The following CAST variants were observed in gnomAD, a reference collection of about 807,000 sequenced individuals.
CAST encodes the protein MIR583 host.
Under a neutral mutation model 119.6 loss-of-function variants are expected in CAST, and 76 were observed. The ratio of observed to expected loss-of-function variants is 0.64; its 90% CI spans 0.53 to 0.77. The LOEUF (loss-of-function observed/expected upper bound fraction) is 0.77. CAST is among the 30% of genes least tolerant of loss of function. The pLI is 0.00. For missense variants in CAST, 953 were observed against 946.5 expected, an observed-to-expected ratio of 1.01 and a Z score of -0.09; for synonymous variants, 319 against 331.6, an observed-to-expected ratio of 0.96 and a Z score of 0.41.
chr5:96,388,123 A>G, the CAST span, among the ~76,000 whole-genome samples: 10 of 152,242 alleles, frequency 6.6e-5, no homozygotes, highest in Non-Finnish European at 2.9e-5. Flanking sequence ...AGTGGCACAC[A>G]TGGTAGAGAG....
At chr5:96,560,182 T>C (rs1240436676) in intron 1 of CAST, among the ~76,000 whole-genome samples, 1 of 152,078 alleles carries the variant, frequency 6.6e-6, no homozygotes, top group Non-Finnish European at 1.5e-5. Context: ...GATCCCTTCC[T>C]TACACCTTAT....
At chr5:96,737,309 A>G (rs1006499132) in intron 10 of CAST, among the ~76,000 whole-genome samples, 2 of 146,086 alleles carry the variant, frequency 1.4e-5, no homozygotes, top group South Asian at 2.2e-4. Context: ...TCAGGCAAGC[A>G]AGTGAACAAC....
At chr5:96,561,796 G>GTTTTTTTTGTTTTTTTTTT (rs1746371485) in intron 1 of CAST, among the ~76,000 whole-genome samples, 1 of 97,420 alleles carries the variant, frequency 1.0e-5, no homozygotes, top group African/African-American at 3.8e-5. Context: ...GTTTTTTTTT[G>GTTTTTTTTGTTTTTTTTTT]TTTTTTTTTT....
chr5:96,351,133 C>G, the CAST span, among the ~76,000 whole-genome samples: 1 of 152,080 alleles, frequency 6.6e-6, no homozygotes, highest in Admixed American at 6.6e-5. Flanking sequence ...AACACTTAGA[C>G]AAAGTGAACA....
At chr5:96,606,551 C>G (rs1429082217) in intron 1 of CAST, among the ~76,000 whole-genome samples, 1 of 152,208 alleles carries the variant, frequency 6.6e-6, no homozygotes, top group South Asian at 2.1e-4. Context: ...ACAAGGCAAA[C>G]TTAGGCCTGC....
the CAST span, among the ~76,000 whole-genome samples, chr5:96,119,350 A>G: frequency 1.3e-5 from 2 of 152,276 alleles, no homozygotes; most frequent in South Asian, 4.1e-4. Flanking sequence ...CCAAACCCCA[A>G]AGTTTCCAGC....
At chr5:96,152,551 A>G in the CAST span, among the ~76,000 whole-genome samples, 1 of 152,196 alleles carries the variant, frequency 6.6e-6, no homozygotes, top group African/African-American at 2.4e-5. Context: ...CTGAACTGGT[A>G]TCATTGACAC....
chr5:96,552,800 G>A (rs146282607), intron 1 of CAST, among the ~76,000 whole-genome samples: 1 of 152,062 alleles, frequency 6.6e-6, no homozygotes, highest in African/African-American at 2.4e-5. Context: ...AAATAAACTA[G>A]AAAATCTAAA....
the CAST span, chr5:95,961,569 G>T: frequency 6.3e-7 from 1 of 1,579,214 alleles, no homozygotes; most frequent in Non-Finnish European, 8.6e-7. Flanking sequence ...CGGCCGGCCC[G>T]CTCACCTTGT....
chr5:96,008,688 C>T, the CAST span, among the ~76,000 whole-genome samples: 2 of 152,318 alleles, frequency 1.3e-5, no homozygotes, highest in Admixed American at 6.5e-5. Flanking sequence ...AAACAAGTGA[C>T]TCAATTCAGG....
chr5:96,165,334 T>C, the CAST span, among the ~76,000 whole-genome samples: 1 of 152,082 alleles, frequency 6.6e-6, no homozygotes, highest in African/African-American at 2.4e-5. Context: ...GAGGGGTAGA[T>C]AGACTAAGGA....
At chr5:96,147,081 T>C in the CAST span, among the ~76,000 whole-genome samples, 1 of 152,212 alleles carries the variant, frequency 6.6e-6, no homozygotes, top group African/African-American at 2.4e-5. Flanking sequence ...TAGTGCCCCA[T>C]GTTCTGTGAT....
intron 20 of CAST, among the ~76,000 whole-genome samples, chr5:96,751,881 A>T (rs1765140433): frequency 6.6e-6 from 1 of 152,168 alleles, no homozygotes; most frequent in Non-Finnish European, 1.5e-5. Context: ...GAACAAAACA[A>T]AAAGCTCTTG....
the CAST span, among the ~76,000 whole-genome samples, chr5:96,163,083 A>G: frequency 2.1e-3 from 312 of 152,176 alleles, no homozygotes; most frequent in African/African-American, 7.1e-3. Context: ...TTATAGGTTT[A>G]TTCAGATTTT....
chr5:95,966,203 T>C, the CAST span, among the ~76,000 whole-genome samples: 1 of 152,164 alleles, frequency 6.6e-6, no homozygotes, highest in Admixed American at 6.5e-5. Context: ...ACTTATGTTG[T>C]GTATTTTTAT....
At chr5:95,985,970 A>G in the CAST span, among the ~76,000 whole-genome samples, 1 of 152,174 alleles carries the variant, frequency 6.6e-6, no homozygotes, top group East Asian at 1.9e-4. Flanking sequence ...TACTTTTTAC[A>G]TTACTAAAGC....
the CAST span, among the ~76,000 whole-genome samples, chr5:96,247,131 T>A: frequency 9.2e-5 from 14 of 152,348 alleles, no homozygotes; most frequent in Non-Finnish European, 1.8e-4. Context: ...GTCTCTTTCT[T>A]AAGGGCCAGC....
chr5:96,518,286 AG>A, the CAST span, among the ~76,000 whole-genome samples: 1 of 152,232 alleles, frequency 6.6e-6, no homozygotes, highest in African/African-American at 2.4e-5. Flanking sequence ...CCTCCTCTAC[AG>A]ATATTATATC....
chr5:96,722,602 T>G, intron 3 of CAST, 37 bp from the exon 4 acceptor site: 2 of 1,504,532 alleles, frequency 1.3e-6, no homozygotes, highest in Non-Finnish European at 1.9e-6. Flanking sequence ...GTAGGTTAAA[T>G]AGAATCGAAC....
Sources: allele counts gnomAD v4.1 joint callset (sites outside exome capture counted in the v4.1 genomes callset), GRCh38; gene constraint gnomAD v4.1.1; transcripts MANE v1.5; gene names NCBI Gene and HGNC (gene_info 2026-07-23, HGNC 2026-07-21).